The following BLNK variants were observed in gnomAD, a reference collection of about 807,000 sequenced individuals.
BLNK encodes B cell linker, also known as B-cell linker protein.
A neutral mutation model predicts 73.5 loss-of-function variants in BLNK; 29 were observed. The observed-to-expected ratio is 0.39, with a 90% confidence interval of 0.29 to 0.54. The LOEUF (loss-of-function observed/expected upper bound fraction) is 0.54. Among genes scored for constraint, BLNK ranks in the 20% least tolerant of loss-of-function variants. The pLI is 0.61. For synonymous variants in BLNK, 176 were observed against 200.8 expected (o/e 0.88, Z 1.04); for missense variants, 460 against 562.8 (o/e 0.82, Z 1.85).
intron 11 of BLNK, among the ~76,000 whole-genome samples, chr10:96,206,126 G>T (rs1554897364): frequency 6.6e-6 from 1 of 152,204 alleles, no homozygotes; most frequent in African/African-American, 2.4e-5. Flanking sequence ...GCAGAGAGGT[G>T]AGTTGTAGTG....
At chr10:96,249,354 A>G (rs1442426300) in intron 1 of BLNK, among the ~76,000 whole-genome samples, 1 of 152,214 alleles carries the variant, frequency 6.6e-6, no homozygotes, top group African/African-American at 2.4e-5. Context: ...TTGGTGCAGC[A>G]GTGGAGCAGT....
chr10:96,208,560 G>A (rs1257656165), intron 9 of BLNK, among the ~76,000 whole-genome samples: 1 of 152,184 alleles, frequency 6.6e-6, no homozygotes, highest in Non-Finnish European at 1.5e-5. Context: ...GAAAGTCGGG[G>A]TGTCTTGTGG....
At chr10:96,265,319 G>A (rs1554913980) in intron 1 of BLNK, among the ~76,000 whole-genome samples, 3 of 151,888 alleles carry the variant, frequency 2.0e-5, no homozygotes, top group Non-Finnish European at 4.4e-5. Flanking sequence ...ACAAGCCCTT[G>A]AACTTCTTAA....
chr10:96,262,445 A>G (rs782073979), intron 1 of BLNK, among the ~76,000 whole-genome samples: 1 of 152,118 alleles, frequency 6.6e-6, no homozygotes, highest in Non-Finnish European at 1.5e-5. Context: ...TATTATTCCC[A>G]TTTTTCAGAT....
At chr10:96,202,982 C>G (rs1215923805) in intron 13 of BLNK, among the ~76,000 whole-genome samples, 11 of 152,184 alleles carry the variant, frequency 7.2e-5, no homozygotes, top group African/African-American at 2.7e-4. Flanking sequence ...TGCCACCCAC[C>G]CCTGCTGCTG....
intron 11 of BLNK, 80 bp downstream of exon 11, chr10:96,206,931 T>C: frequency 5.7e-6 from 8 of 1,413,394 alleles, no homozygotes; most frequent in Non-Finnish European, 7.9e-6. Context: ...CCAAAAATAA[T>C]GTAATAAATG....
rs34920263 is a variant in BLNK at position 96,191,235 on chromosome 10, CTTTT to C, written c.*734_*737del. ...GTGGAACTGTGAGTCCATTAAACCT[CTTTT>C]TTTTTTTTTTTTTTTATGTAAATCA... On this transcript the variant is annotated 3_prime_UTR_variant, in exon 17 of 17. Transcript: ENST00000224337. Among the ~76,000 whole-genome samples the C allele has an allele frequency of 5.3e-4, 69 of 130,260 alleles. No individual in the cohort carries two copies. Among genetic ancestry groups the C allele is most frequent in the Admixed American group, 2.2e-3 (28 of 12,770 alleles). 85.5% of individuals were successfully genotyped at this position (130,260 alleles called of 152,430 possible).
chr10:96,254,495 A>G (rs1178605259), intron 1 of BLNK, among the ~76,000 whole-genome samples: 3 of 151,714 alleles, frequency 2.0e-5, no homozygotes, highest in Admixed American at 6.6e-5. Context: ...GCCTTCTTCA[A>G]TGAGTTTTTT....
At chr10:96,264,610 A>G (rs981014965) in intron 1 of BLNK, among the ~76,000 whole-genome samples, 5 of 152,334 alleles carry the variant, frequency 3.3e-5, no homozygotes, top group Middle Eastern at 3.4e-3. Flanking sequence ...GGGGAGACAT[A>G]GAAATGCTTA....
intron 3 of BLNK, among the ~76,000 whole-genome samples, chr10:96,236,748 C>G (rs1336995998): frequency 6.6e-6 from 1 of 152,128 alleles, no homozygotes; most frequent in Non-Finnish European, 1.5e-5. Context: ...ATCACTTGAG[C>G]CCAGGAGGTT....
At chr10:96,262,861 A>G (rs1196863839) in intron 1 of BLNK, among the ~76,000 whole-genome samples, 3 of 152,234 alleles carry the variant, frequency 2.0e-5, no homozygotes, top group African/African-American at 7.2e-5. Flanking sequence ...ACAAACGTCT[A>G]TGAAAAGTGA....
chr10:96,230,773 G>C, intron 4 of BLNK, 21 bp downstream of exon 4: 1 of 1,604,954 alleles, frequency 6.2e-7, no homozygotes, highest in Non-Finnish European at 8.5e-7. Context: ...TGCCCTCCTG[G>C]TCCCAGGAGC....
At position 96,230,220 on chromosome 10, in the gene BLNK, T is replaced by G. The variant is rs587738026; in HGVS notation, c.204+574A>C. Among the ~76,000 whole-genome samples, 36 of 152,330 alleles carry G rather than the reference T, an allele frequency of 2.4e-4. No individual in the cohort carries two copies. The South Asian group carries it at 2.5e-3, about 11-fold the overall frequency. On this transcript the variant is annotated intron_variant, in intron 4 of 16. Transcript: ENST00000224337. ...GTCATCATGGCCAGGTCCCTCTCTCTGTGGCTCCGGAGCTCTGCTAATGTT... is the reference window on the plus strand; with the variant it reads ...GTCATCATGGCCAGGTCCCTCTCTCGGTGGCTCCGGAGCTCTGCTAATGTT...
Position 96,244,665 on chromosome 10 carries a change from C to T in BLNK, c.114-1881G>A, listed in dbSNP as rs149071047. Among the ~76,000 whole-genome samples, 1,004 of 152,264 alleles carry T rather than the reference C, an allele frequency of 6.6e-3. 11 individuals carry two copies. Among genetic ancestry groups the T allele is most frequent in the African/African-American group, 0.015 (616 of 41,548 alleles). On this transcript the variant is annotated intron_variant, in intron 2 of 16. Coordinates refer to ENST00000224337, the MANE Select transcript of BLNK (RefSeq NM_013314.4). ...GCAAGTCACTTTGAGCTAAAGGGCCCCTGACGTCACCCGGGGTAATGACTA... is the reference window on the plus strand; with the variant it reads ...GCAAGTCACTTTGAGCTAAAGGGCCTCTGACGTCACCCGGGGTAATGACTA...
intron 1 of BLNK, among the ~76,000 whole-genome samples, chr10:96,258,223 G>A (rs1427343503): frequency 6.6e-6 from 1 of 152,180 alleles, no homozygotes; most frequent in Non-Finnish European, 1.5e-5. Context: ...GGTGGAGCTG[G>A]CAGAGTTTTG....
chr10:96,240,591 G>T (rs1554906021), intron 3 of BLNK, among the ~76,000 whole-genome samples: 1 of 152,084 alleles, frequency 6.6e-6, no homozygotes, highest in African/African-American at 2.4e-5. Flanking sequence ...GGCTTGAACT[G>T]TGTGGCCATC....
chr10:96,241,205 A>C (rs587599424), intron 3 of BLNK, among the ~76,000 whole-genome samples: 1 of 152,386 alleles, frequency 6.6e-6, no homozygotes, highest in South Asian at 2.1e-4. Flanking sequence ...CAGTGGCCGA[A>C]AAAATAAAAT....
intron 11 of BLNK, chr10:96,204,945 G>C: frequency 2.9e-6 from 1 of 348,398 alleles, no homozygotes; most frequent in South Asian, 2.3e-5. Flanking sequence ...GAACATTTTA[G>C]CCACCCTCTA....
chr10:96,244,127 C>G (rs1398069527), intron 2 of BLNK, among the ~76,000 whole-genome samples: 4 of 152,100 alleles, frequency 2.6e-5, no homozygotes, highest in African/African-American at 9.7e-5. Flanking sequence ...CTCATAGGCT[C>G]TCAATATCTA....
Sources: allele counts gnomAD v4.1 joint callset (sites outside exome capture counted in the v4.1 genomes callset), GRCh38; gene constraint gnomAD v4.1.1; transcripts MANE v1.5; gene names NCBI Gene and HGNC (gene_info 2026-07-23, HGNC 2026-07-21).